The following IMPA1 variants were observed in gnomAD, a reference collection of about 807,000 sequenced individuals.
IMPA1 encodes the protein D-galactose 1-phosphate phosphatase.
Under a neutral mutation model 34.9 loss-of-function variants are expected in IMPA1, and 21 were observed. The observed-to-expected ratio is 0.60, with a 90% CI of 0.43 to 0.87. The LOEUF (loss-of-function observed/expected upper bound fraction) is 0.87. Among genes scored for constraint, IMPA1 ranks in the 40% least tolerant of loss-of-function variants. IMPA1 has a pLI of 0.00. For missense variants in IMPA1, 299 were observed against 336.4 expected, an observed-to-expected ratio of 0.89 and a Z score of 0.87; for synonymous variants, 95 against 104.4, an observed-to-expected ratio of 0.91 and a Z score of 0.55.
intron 7 of IMPA1, among the ~76,000 whole-genome samples, chr8:81,665,072 GA>G (rs1289299297): frequency 6.6e-6 from 1 of 152,036 alleles, no homozygotes; most frequent in East Asian, 1.9e-4. Flanking sequence ...AGTGAAAATA[GA>G]AAAAAGTAGA....
chr8:81,676,234 C>A lies in IMPA1; in HGVS notation c.348G>T (p.Lys116Asn). 3.0e-6 allele frequency: 4 copies of A among 1,322,368 alleles called. No individual in the cohort carries two copies. The highest frequency in any genetic ancestry group is 4.1e-6 in the Non-Finnish European group (4 of 966,336). The allele number at this position is 1,322,368 out of a possible 1,614,324, so 81.9% of individuals were successfully genotyped here. ...AVSIGFAVNKKIEFGVVYSCV... is the reference protein window; with the variant it reads ...AVSIGFAVNKNIEFGVVYSCV... ...CAACTATACGTTTAAAAAATCATAC[C>A]TTTTTATTTACAGCAAAGCCAATTG... The change falls in exon 5 of 9, where the codon AAG becomes AAT. Residue 116 changes from lysine to asparagine, a missense_variant and splice_region_variant. Lys to Asn is a moderately conservative substitution (Grantham distance 94). Coordinates refer to ENST00000256108, the MANE Select transcript of IMPA1 (RefSeq NM_005536.4).
intron 6 of IMPA1, among the ~76,000 whole-genome samples, chr8:81,673,179 T>C (rs1807038434): frequency 6.6e-6 from 1 of 152,252 alleles, no homozygotes; most frequent in African/African-American, 2.4e-5. Flanking sequence ...TGATAGCTTA[T>C]CTTCACAGGT....
intron 7 of IMPA1, among the ~76,000 whole-genome samples, chr8:81,663,337 T>C (rs1806730630): frequency 6.6e-6 from 1 of 152,210 alleles, no homozygotes; most frequent in Non-Finnish European, 1.5e-5. Context: ...AGAGGCTCTC[T>C]TTTACTTTAC....
chr8:81,685,993 C>A, intron 1 of IMPA1: 2 of 1,432,748 alleles, frequency 1.4e-6, no homozygotes, highest in Middle Eastern at 1.8e-4. Flanking sequence ...TAAAAAGGGG[C>A]AATTATTCCA....
intron 4 of IMPA1, among the ~76,000 whole-genome samples, chr8:81,676,944 T>G (rs1419979078): frequency 6.6e-6 from 1 of 152,118 alleles, no homozygotes; most frequent in Non-Finnish European, 1.5e-5. Flanking sequence ...CAGTGAGCCA[T>G]AGTCATGCCA....
chr8:81,674,814 G>A (rs1462197371), intron 5 of IMPA1: 1 of 455,320 alleles, frequency 2.2e-6, no homozygotes, highest in Non-Finnish European at 4.4e-6. Flanking sequence ...ATCGGGGGAA[G>A]AACCTACGGT....
intron 7 of IMPA1, among the ~76,000 whole-genome samples, chr8:81,663,713 T>C (rs1386659916): frequency 6.6e-6 from 1 of 152,244 alleles, no homozygotes; most frequent in Non-Finnish European, 1.5e-5. Context: ...ATTTTTATTA[T>C]GATTTTTCAT....
In IMPA1 at chr8:81,676,245, C is replaced by T. The variant is rs1274689618; in HGVS notation, c.337G>A (p.Val113Ile). The T allele has an allele frequency of 3.0e-6, 4 of 1,351,842 alleles. No homozygotes were observed. The highest frequency in any genetic ancestry group is 4.0e-6 in the Non-Finnish European group (4 of 989,840). The allele number at this position is 1,351,842 out of a possible 1,614,324, so 83.7% of individuals were successfully genotyped here. The stretch of plus-strand genomic sequence containing the variant: ...TTAAAAAATCATACCTTTTTATTTA[C>T]AGCAAAGCCAATTGAAACAGCTACA... ...PFVAVSIGFA[V>I]NKKIEFGVVY... Residue 113 changes from valine (V) to isoleucine (I), a missense_variant, in exon 5 of 9, where the codon GTA becomes ATA. Physicochemically the swap from Val to Ile is conservative, Grantham distance 29. Transcript: ENST00000256108.
intron 1 of IMPA1, chr8:81,686,005 A>C: frequency 7.1e-7 from 1 of 1,404,778 alleles, no homozygotes. Context: ...ATTATTCCAC[A>C]GAAGCCGCCA....
chr8:81,674,757 G>T, intron 5 of IMPA1: 1 of 452,164 alleles, frequency 2.2e-6, no homozygotes. Context: ...CACACAGGTT[G>T]GTTTTTTACA....
chr8:81,672,324 C>A (rs1443276309), intron 6 of IMPA1, among the ~76,000 whole-genome samples: 4 of 152,112 alleles, frequency 2.6e-5, no homozygotes, highest in Non-Finnish European at 5.9e-5. Flanking sequence ...TGCAGAATGC[C>A]AGTACCTTTA....
chr8:81,684,451 T>C (rs948413041), intron 1 of IMPA1, among the ~76,000 whole-genome samples: 1 of 141,326 alleles, frequency 7.1e-6, no homozygotes, highest in Non-Finnish European at 1.5e-5. Context: ...TTAGATACTA[T>C]ATATAGTATA....
chr8:81,685,236 G>GTATAT, intron 1 of IMPA1, among the ~76,000 whole-genome samples: 1 of 82,396 alleles, frequency 1.2e-5, no homozygotes, highest in African/African-American at 5.7e-5. Flanking sequence ...AGTATATTTA[G>GTATAT]ATACTATATA....
At chr8:81,685,232 TTTAG>T (rs1807470030) in intron 1 of IMPA1, among the ~76,000 whole-genome samples, 1 of 121,872 alleles carries the variant, frequency 8.2e-6, no homozygotes, top group African/African-American at 3.4e-5. Context: ...CATAAGTATA[TTTAG>T]ATACTATATA....
In IMPA1 at chr8:81,673,617, A is replaced by G. The variant is rs564692989; in HGVS notation, c.457+224T>C. Among the ~76,000 whole-genome samples, 17 of 152,334 alleles carry G rather than the reference A, an allele frequency of 1.1e-4. 1 individual carries two copies. Among genetic ancestry groups the G allele is most frequent in the Admixed American group, 1.0e-3 (16 of 15,306 alleles). ...GGAAGCCAGTCTTAATCATCTTCCT[A>G]TCTCTATCACAAAATACAATGCTGA... On this transcript the variant is annotated intron_variant, in intron 6 of 8. Coordinates refer to ENST00000256108, the MANE Select transcript of IMPA1 (RefSeq NM_005536.4).
rs1301106972 is a variant in IMPA1, at chr8:81,685,827, T to TAGG, written c.-25+424_-25+425insCCT. ...TGCTGTTTCTGTCCTGGTCACAGCC[T>TAGG]TCCAGCGTAGGAGCCAGGCCACCTT... is the stretch of plus-strand genomic sequence containing the variant. On this transcript the variant is annotated intron_variant, in intron 1 of 8. Transcript: ENST00000256108. 1.0e-5 allele frequency: 16 copies of TAGG among 1,551,052 alleles called. No individual in the cohort carries two copies. In the African/African-American group the frequency reaches 1.6e-4, roughly 16 times the overall value.
Position 81,670,979 on chromosome 8 carries a change from G to T in IMPA1, c.526C>A (p.Leu176Ile). The T allele has an allele frequency of 6.5e-7, 1 of 1,536,918 alleles. No homozygotes were observed. The highest frequency in any genetic ancestry group is 2.5e-5 in the Admixed American group (1 of 40,738). The change falls in exon 7 of 9, where the codon CTT becomes ATT. Residue 176 changes from leucine (L) to isoleucine (I), a missense_variant. Transcript: ENST00000256108. The stretch of plus-strand genomic sequence containing the variant: ...CAAAAAAGCTTTTCCATATTAGAAA[G>T]AACCATTCTCACAGTCTCTGGTGTT... ...SRTPETVRMV[L>I]SNMEKLFCIP... is the part of the protein sequence containing the mutation.
At position 81,664,400 on chromosome 8, in the gene IMPA1, A is replaced by C. The variant is rs572292981; in HGVS notation, c.567-3733T>G. Among the ~76,000 whole-genome samples the C allele has an allele frequency of 2.6e-5, 4 of 152,330 alleles. No individual in the cohort carries two copies. In the South Asian group the frequency reaches 8.3e-4, roughly 32 times the overall value. On this transcript the variant is annotated intron_variant, in intron 7 of 8. Transcript: ENST00000256108. ...TAAATAAATTCTAACAGAGCACCGGAAGCCCGTAGATACACAGAGTAGGGC... is the reference window on the plus strand; with the variant it reads ...TAAATAAATTCTAACAGAGCACCGGCAGCCCGTAGATACACAGAGTAGGGC...
At chr8:81,673,819 C>G in intron 6 of IMPA1, 22 bp downstream of exon 6, 2 of 1,348,294 alleles carry the variant, frequency 1.5e-6, no homozygotes, top group Non-Finnish European at 2.1e-6. Context: ...TGAATAGCAT[C>G]AAAAATTGGA....
Sources: allele counts gnomAD v4.1 joint callset (sites outside exome capture counted in the v4.1 genomes callset), GRCh38; gene constraint gnomAD v4.1.1; transcripts MANE v1.5; gene names NCBI Gene and HGNC (gene_info 2026-07-23, HGNC 2026-07-21).